Variants in DNAJA2 observed in about 807,000 individuals in gnomAD.
DNAJA2 encodes DnaJ heat shock protein family (Hsp40) member A2.
Under a neutral mutation model 49.3 loss-of-function variants are expected in DNAJA2, and 6 were observed. That is an observed-to-expected ratio of 0.12 (90% CI 0.07 to 0.24). The LOEUF is 0.24. Among genes scored for constraint, DNAJA2 ranks in the 10% least tolerant of loss-of-function variants. The probability of loss-of-function intolerance (pLI) is 1.00; values close to 1 mark genes in which losing one functional copy is unlikely to be tolerated. For synonymous variants in DNAJA2, 160 were observed against 172.7 expected, an observed-to-expected ratio of 0.93 and a Z score of 0.58; for missense variants, 347 against 516.8, an observed-to-expected ratio of 0.67 and a Z score of 3.19.
chr16:46,963,788 C>G (rs1172141741), intron 6 of DNAJA2, among the ~76,000 whole-genome samples: 1 of 152,108 alleles, frequency 6.6e-6, no homozygotes, highest in Non-Finnish European at 1.5e-5. Flanking sequence ...TCCCAGAACC[C>G]TTTCAAGGAT....
intron 1 of DNAJA2, chr16:46,972,850 GCAGGTACA>G (rs1962074207): frequency 6.6e-6 from 1 of 152,220 alleles, no homozygotes; most frequent in African/African-American, 2.4e-5. Flanking sequence ...TTATTCCTAA[GCAGGTACA>G]GGACATTAGC....
Position 46,959,098 on chromosome 16 carries a change from G to T in DNAJA2, c.952C>A (p.Pro318Thr), listed in dbSNP as rs1320409451. The T allele has an allele frequency of 6.4e-7, 1 of 1,570,458 alleles. No homozygotes were observed. Among genetic ancestry groups the T allele is most frequent in the African/African-American group, 1.5e-5 (1 of 65,272 alleles). Residue 318 changes from proline to threonine, a missense_variant, in exon 8 of 9, where the codon CCG becomes ACG. Transcript: ENST00000317089. ...CVRVVRGEGM[P>T]QYRNPFEKGD... Reference sequence around the variant, plus strand: ...TTTTCAAAGGGATTACGATACTGCGGCATCCCTTCACCTCGAACTACACGA... The same window carrying T: ...TTTTCAAAGGGATTACGATACTGCGTCATCCCTTCACCTCGAACTACACGA...
intron 6 of DNAJA2, among the ~76,000 whole-genome samples, chr16:46,961,422 C>T (rs970072328): frequency 1.3e-5 from 2 of 151,866 alleles, no homozygotes; most frequent in Admixed American, 6.6e-5. Context: ...GGCACGGTGG[C>T]TCACACCTAT....
chr16:46,970,942 G>A (rs1962037908), intron 3 of DNAJA2, among the ~76,000 whole-genome samples: 1 of 151,720 alleles, frequency 6.6e-6, no homozygotes, highest in Non-Finnish European at 1.5e-5. Flanking sequence ...GGAGGCTGAG[G>A]CAGGAGAATC....
chr16:46,970,796 T>C (rs1360514283), intron 3 of DNAJA2, among the ~76,000 whole-genome samples: 1 of 138,154 alleles, frequency 7.2e-6, no homozygotes, highest in Admixed American at 8.0e-5. Context: ...CCCAGCACTT[T>C]GGGAGGCCGA....
In DNAJA2 at chr16:46,959,388, A is replaced by T; in HGVS notation, c.806T>A (p.Met269Lys). 1 of 1,613,270 alleles carries T rather than the reference A, an allele frequency of 6.2e-7. No individual in the cohort carries two copies. The change falls in exon 7 of 9, where the codon ATG becomes AAG. Residue 269 changes from methionine (M) to lysine (K), a missense_variant. Transcript: ENST00000317089. The stretch of plus-strand genomic sequence containing the variant: ...TTCAACAAGTCCTATTTTATATGTC[A>T]TGTGCAAATCATTCCCATCTCTCTG... ...VFQRDGNDLH[M>K]TYKIGLVEAL...
intron 4 of DNAJA2, 28 bp from the exon 5 acceptor site, chr16:46,967,674 G>A (rs1215818554): frequency 1.2e-6 from 2 of 1,613,718 alleles, no homozygotes; most frequent in Non-Finnish European, 1.7e-6. Context: ...TATGCATTAG[G>A]TTTTTGTCCA....
In DNAJA2 at chr16:46,967,625, A is replaced by C. The variant is rs1439549969; in HGVS notation, c.465T>G (p.Ala155=). 9.9e-6 allele frequency: 16 copies of C among 1,614,030 alleles called. No homozygotes were observed. The highest frequency in any genetic ancestry group is 1.4e-5 in the Non-Finnish European group (16 of 1,180,034). ...CTCGACAAGCACTACACTTTTGGACAGCTCCAGACTTTCCGCCTTGGCTAA... is the reference window on the plus strand; with the variant it reads ...CTCGACAAGCACTACACTTTTGGACCGCTCCAGACTTTCCGCCTTGGCTAA... ...ACSGQGGKSG[A]VQKCSACRGR... Residue 155 remains alanine, a synonymous_variant, in exon 5 of 9, where the codon GCT becomes GCG. Coordinates refer to ENST00000317089, the MANE Select transcript of DNAJA2 (RefSeq NM_005880.4).
At chr16:46,964,269 G>T (rs1255071886) in intron 6 of DNAJA2, among the ~76,000 whole-genome samples, 2 of 152,280 alleles carry the variant, frequency 1.3e-5, no homozygotes, top group East Asian at 3.9e-4. Context: ...CTACTCGGGA[G>T]GCTGAGGCAG....
chr16:46,967,984 T>G, intron 4 of DNAJA2, 100 bp downstream of exon 4: 1 of 1,195,498 alleles, frequency 8.4e-7, no homozygotes, highest in Non-Finnish European at 1.2e-6. Flanking sequence ...CACCCAGCCG[T>G]AAGTTTTAAC....
Position 46,966,682 on chromosome 16 carries a change from G to A in DNAJA2, c.577+831C>T, listed in dbSNP as rs1961976297. ...TAAAAGGTCAGAGATGAGTAGTTGT[G>A]ACAAAAACTATTTGGCCCACAAAGA... On this transcript the variant is annotated intron_variant, in intron 5 of 8. Transcript: ENST00000317089. 2.0e-5 allele frequency among the ~76,000 whole-genome samples: 3 copies of A among 152,180 alleles called. No homozygotes were observed. In the East Asian group the frequency reaches 5.8e-4, roughly 29 times the overall value.
chr16:46,963,089 A>G, intron 6 of DNAJA2, among the ~76,000 whole-genome samples: 1 of 152,198 alleles, frequency 6.6e-6, no homozygotes, highest in Admixed American at 6.5e-5. Context: ...ACTGAACATA[A>G]TACAAATTTA....
At chr16:46,963,429 G>A (rs1961926154) in intron 6 of DNAJA2, among the ~76,000 whole-genome samples, 1 of 151,580 alleles carries the variant, frequency 6.6e-6, no homozygotes, top group African/African-American at 2.4e-5. Context: ...AGCACTTTGG[G>A]AAGTTGAGAC....
intron 1 of DNAJA2, among the ~76,000 whole-genome samples, 172 bp downstream of exon 1, chr16:46,973,323 G>A (rs1301302758): frequency 2.6e-5 from 4 of 151,034 alleles, no homozygotes; most frequent in Non-Finnish European, 5.9e-5. Flanking sequence ...CGAGGCCGGA[G>A]TGCGCGGCTC....
At chr16:46,963,624 C>T (rs541631772) in intron 6 of DNAJA2, among the ~76,000 whole-genome samples, 301 of 152,056 alleles carry the variant, frequency 2.0e-3, no homozygotes, top group African/African-American at 7.1e-3. Flanking sequence ...TTGCTTGGGC[C>T]CAGGGGCGAA....
chr16:46,961,585 A>T (rs1271936122), intron 6 of DNAJA2, among the ~76,000 whole-genome samples: 2 of 151,484 alleles, frequency 1.3e-5, no homozygotes, highest in African/African-American at 4.8e-5. Flanking sequence ...CTGTCTCAAA[A>T]AAAAAAAAAA....
intron 5 of DNAJA2, among the ~76,000 whole-genome samples, chr16:46,965,208 TCAAAA>T (rs1961952292): frequency 6.6e-6 from 1 of 152,010 alleles, no homozygotes; most frequent in Non-Finnish European, 1.5e-5. Context: ...AGGCCATGTC[TCAAAA>T]CAAAACAAAA....
Position 46,966,828 on chromosome 16 carries a change from T to C in DNAJA2, c.577+685A>G, listed in dbSNP as rs1475169815. Reference sequence around the variant, plus strand: ...AACTAAACAACTACTTGTTTAGTTATTTATTATTTGATTATTTGTCCCTTT... The same window carrying C: ...AACTAAACAACTACTTGTTTAGTTACTTATTATTTGATTATTTGTCCCTTT... On this transcript the variant is annotated intron_variant, in intron 5 of 8. Transcript: ENST00000317089. 2.0e-5 allele frequency among the ~76,000 whole-genome samples: 3 copies of C among 152,356 alleles called. No homozygotes were observed. In the East Asian group the frequency reaches 5.8e-4, roughly 29 times the overall value.
At chr16:46,972,767 C>T (rs1962072289) in intron 1 of DNAJA2, 1 of 152,272 alleles carries the variant, frequency 6.6e-6, no homozygotes. Context: ...GATATCGCAG[C>T]ATTGCAAATA....
Sources: gnomAD v4.1 joint callset for allele counts (sites outside exome capture counted in the v4.1 genomes callset) on GRCh38, gnomAD v4.1.1 for gene constraint, MANE v1.5 for transcripts, NCBI Gene and HGNC (gene_info 2026-07-23, HGNC 2026-07-21) for gene names.